Variants in PPFIBP2 observed in about 807,000 individuals in gnomAD.
PPFIBP2 encodes PPFIB scaffold protein 2.
In PPFIBP2, 118 loss-of-function variants were observed where a neutral mutation model predicts 118.3. The observed-to-expected ratio is 1.00, with a 90% CI of 0.86 to 1.16. PPFIBP2 has a LOEUF of 1.16. Ranked by LOEUF, PPFIBP2 falls within the 50% of genes most tolerant of loss-of-function variation. The pLI is 0.00. For missense variants in PPFIBP2, 1,195 were observed against 1,073.1 expected (o/e 1.11, Z -1.59); for synonymous variants, 414 against 397.4 (o/e 1.04, Z -0.50).
chr11:7,613,720 C>T (rs1376898210), intron 6 of PPFIBP2, among the ~76,000 whole-genome samples: 1 of 152,126 alleles, frequency 6.6e-6, no homozygotes, highest in Non-Finnish European at 1.5e-5. Flanking sequence ...TGGGCCTTCC[C>T]CAAGAAAGAA....
intron 2 of PPFIBP2, among the ~76,000 whole-genome samples, chr11:7,558,780 G>A (rs1033066079): frequency 6.6e-6 from 1 of 151,860 alleles, no homozygotes; most frequent in Admixed American, 6.6e-5. Context: ...AGAAAAAAAG[G>A]CTTTCAATGA....
chr11:7,628,480 G>A (rs1021733170), intron 9 of PPFIBP2, 134 bp downstream of exon 9: 168 of 849,806 alleles, frequency 2.0e-4, no homozygotes, highest in Non-Finnish European at 9.1e-6. Flanking sequence ...TCAGGAGAAT[G>A]ACTTGTGCCT....
At chr11:7,660,091 C>A (rs1348801777), downstream of PPFIBP2, among the ~76,000 whole-genome samples, 3 of 125,016 alleles carry the variant, frequency 2.4e-5, no homozygotes, top group African/African-American at 7.7e-5. Context: ...ATGTCATCTG[C>A]AAACAGGGAC....
At chr11:7,665,399 G>A in the PPFIBP2 span, 1 of 1,598,564 alleles carries the variant, frequency 6.3e-7, no homozygotes, top group Admixed American at 1.8e-5. Context: ...CATGTCCTGG[G>A]TATAACCCAG....
At chr11:7,661,054 T>G (rs1049897593), downstream of PPFIBP2, among the ~76,000 whole-genome samples, 1 of 151,748 alleles carries the variant, frequency 6.6e-6, no homozygotes. Flanking sequence ...CTTTATTAGT[T>G]TTGCTAGCAG....
intron 3 of PPFIBP2, among the ~76,000 whole-genome samples, chr11:7,581,771 A>G (rs933959335): frequency 5.3e-5 from 8 of 151,628 alleles, no homozygotes; most frequent in African/African-American, 1.5e-4. Context: ...AATTTATTTA[A>G]CCTTCCTAGA....
At chr11:7,609,207 T>C (rs534147994) in intron 5 of PPFIBP2, among the ~76,000 whole-genome samples, 5 of 152,204 alleles carry the variant, frequency 3.3e-5, no homozygotes, top group Non-Finnish European at 5.9e-5. Context: ...GACCTCATAG[T>C]GTTTGAGTCA....
At chr11:7,522,722 C>T (rs1409360686) in intron 1 of PPFIBP2, among the ~76,000 whole-genome samples, 1 of 152,196 alleles carries the variant, frequency 6.6e-6, no homozygotes, top group Non-Finnish European at 1.5e-5. Flanking sequence ...GTTGCCAATG[C>T]CATGGGGGCC....
chr11:7,644,974 C>G (rs1376806402), intron 17 of PPFIBP2, among the ~76,000 whole-genome samples: 1 of 128,080 alleles, frequency 7.8e-6, no homozygotes, highest in Admixed American at 9.8e-5. Flanking sequence ...TTGCAGTGAG[C>G]CGAGATCCCG....
At position 7,515,288 on chromosome 11, in the gene PPFIBP2, T is replaced by G. The variant is rs146612597; in HGVS notation, c.-37+1167T>G. Among the ~76,000 whole-genome samples, 261 of 152,348 alleles carry G rather than the reference T, an allele frequency of 1.7e-3. 11 individuals are homozygous for G. The highest frequency in any genetic ancestry group is 0.016 in the Admixed American group (247 of 15,310). On this transcript the variant is annotated intron_variant, in intron 1 of 23. Transcript: ENST00000299492. ...CATGTTTTATTTAACATATTTCAAT[T>G]ATTAGTAATACTATTTTAAGATTTG...
At chr11:7,573,229 C>T (rs778265713) in intron 3 of PPFIBP2, among the ~76,000 whole-genome samples, 1 of 152,184 alleles carries the variant, frequency 6.6e-6, no homozygotes, top group Non-Finnish European at 1.5e-5. Flanking sequence ...TGCATTTTTA[C>T]TAGAACCCCC....
downstream of PPFIBP2, among the ~76,000 whole-genome samples, chr11:7,660,155 A>G (rs367743548): frequency 2.0e-4 from 25 of 127,138 alleles, 3 homozygotes; most frequent in East Asian, 6.0e-4. Context: ...TCTCCTGCCT[A>G]ATTGCCCTGG....
chr11:7,594,928 AAAAAAAAAAG>A (rs1293231541), intron 4 of PPFIBP2, among the ~76,000 whole-genome samples: 23 of 151,804 alleles, frequency 1.5e-4, no homozygotes, highest in African/African-American at 3.4e-4. Context: ...AAAAAAAAAA[AAAAAAAAAAG>A]AAAAAGGAGA....
At chr11:7,572,989 A>G (rs1382132829) in intron 3 of PPFIBP2, among the ~76,000 whole-genome samples, 1 of 152,182 alleles carries the variant, frequency 6.6e-6, no homozygotes, top group Middle Eastern at 3.2e-3. Context: ...CAGGTTGACG[A>G]GGCTGATCTT....
Position 7,526,313 on chromosome 11 carries a change from A to G in PPFIBP2, c.-37+12192A>G, listed in dbSNP as rs115117322. 3.4e-3 allele frequency among the ~76,000 whole-genome samples: 513 copies of G among 152,328 alleles called. 5 individuals are homozygous for G. The highest frequency in any genetic ancestry group is 0.012 in the African/African-American group (488 of 41,580). On this transcript the variant is annotated intron_variant, in intron 1 of 23. Coordinates refer to ENST00000299492, the MANE Select transcript of PPFIBP2 (RefSeq NM_003621.5). The stretch of plus-strand genomic sequence containing the variant: ...CTCTCTGGGGATCCCTGGTCAGTCA[A>G]GTGAGTAAAAGGCATAGAAGCCCAA...
At position 7,610,340 on chromosome 11, in the gene PPFIBP2, C is replaced by G. The variant is rs749535933; in HGVS notation, c.536C>G (p.Thr179Ser). ...SLETQKLDLM[T>S]EVSELKLKLV... ...GAGACCCAGAAGCTCGATCTGATGA[C>G]TGAAGTGTCTGAGCTGAAGCTCAAG... Residue 179 changes from threonine (T) to serine (S), a missense_variant, in exon 6 of 24, where the codon ACT becomes AGT. Coordinates refer to ENST00000299492, the MANE Select transcript of PPFIBP2 (RefSeq NM_003621.5). 2.5e-6 allele frequency: 4 copies of G among 1,614,160 alleles called. No homozygotes were observed. The highest frequency in any genetic ancestry group is 2.5e-6 in the Non-Finnish European group (3 of 1,180,004).
chr11:7,572,836 A>G (rs1248278467), intron 3 of PPFIBP2, among the ~76,000 whole-genome samples: 3 of 152,168 alleles, frequency 2.0e-5, no homozygotes, highest in African/African-American at 4.8e-5. Context: ...CTGGAGTGCA[A>G]TAGTGTGATA....
At chr11:7,650,650 C>T (rs958230040) in intron 21 of PPFIBP2, 190 bp from the exon 22 acceptor site, 2 of 445,740 alleles carry the variant, frequency 4.5e-6, no homozygotes, top group Admixed American at 3.6e-5. Context: ...TTCAAAGATT[C>T]AGTGGGAGCT....
At chr11:7,574,855 CGTAA>C (rs1158078310) in intron 3 of PPFIBP2, among the ~76,000 whole-genome samples, 9 of 152,144 alleles carry the variant, frequency 5.9e-5, no homozygotes, top group Non-Finnish European at 1.2e-4. Flanking sequence ...TGAATTACAA[CGTAA>C]GTAAAATGTA....
Sources: allele counts gnomAD v4.1 joint callset (sites outside exome capture counted in the v4.1 genomes callset), GRCh38; gene constraint gnomAD v4.1.1; transcripts MANE v1.5; gene names NCBI Gene and HGNC (gene_info 2026-07-23, HGNC 2026-07-21).